The following TLE1 variants were observed in gnomAD, a reference collection of about 807,000 sequenced individuals.
TLE1 encodes the protein TLE family member 1, transcriptional corepressor, also known as transducin-like enhancer protein 1.
In TLE1, 21 loss-of-function variants were observed where a neutral mutation model predicts 89.8. The observed-to-expected ratio is 0.23, with a 90% CI of 0.17 to 0.34. The LOEUF (loss-of-function observed/expected upper bound fraction) is 0.34, where lower values mean the gene tolerates loss of function less well. Ranked by LOEUF, TLE1 falls within the 10% of genes least tolerant of loss-of-function variation. The pLI, the probability that TLE1 is intolerant of heterozygous loss-of-function variation, is 1.00. For synonymous variants in TLE1, 447 were observed against 407.6 expected (o/e 1.10, Z -1.16); for missense variants, 795 against 1,031.2 (o/e 0.77, Z 3.14).
intron 8 of TLE1, among the ~76,000 whole-genome samples, chr9:81,632,849 T>C (rs1052327740): frequency 1.2e-4 from 19 of 152,304 alleles, no homozygotes; most frequent in African/African-American, 4.6e-4. Context: ...AAACAAGATA[T>C]GGAAACCTAG....
At chr9:81,673,121 A>G (rs144653229) in intron 4 of TLE1, among the ~76,000 whole-genome samples, 4,217 of 152,108 alleles carry the variant, frequency 0.028, 216 homozygotes, top group African/African-American at 0.094. Flanking sequence ...AAAAATACAA[A>G]AATCAGCTGG....
At position 81,610,197 on chromosome 9, in the gene TLE1, A is replaced by G. The variant is rs568838764; in HGVS notation, c.1331+23T>C. Reference sequence around the variant, plus strand: ...ACTGAGTAACCACCTTTAAAACAAAACCAAGGTCTTTGAGGTACTTACGGT... The same window carrying G: ...ACTGAGTAACCACCTTTAAAACAAAGCCAAGGTCTTTGAGGTACTTACGGT... On this transcript the variant is annotated intron_variant, in intron 14 of 19. Transcript: ENST00000376499. 1.0e-5 allele frequency: 16 copies of G among 1,606,850 alleles called. No homozygotes were observed. In the South Asian group the frequency reaches 1.8e-4, roughly 18 times the overall value.
chr9:81,630,387 A>G (rs558691195), intron 8 of TLE1, among the ~76,000 whole-genome samples: 58 of 152,320 alleles, frequency 3.8e-4, no homozygotes, highest in African/African-American at 1.4e-3. Flanking sequence ...TCTTCCCACT[A>G]TAATTTTTTT....
intron 4 of TLE1, among the ~76,000 whole-genome samples, chr9:81,675,708 G>GTTTTTTTTTT (rs61458315): frequency 2.3e-5 from 3 of 132,440 alleles, no homozygotes; most frequent in Admixed American, 7.6e-5. Context: ...GTTTTTTTTT[G>GTTTTTTTTTT]TTTTTTTTTT....
At chr9:81,663,098 G>A (rs962189954) in intron 4 of TLE1, among the ~76,000 whole-genome samples, 13 of 152,046 alleles carry the variant, frequency 8.6e-5, no homozygotes, top group African/African-American at 3.1e-4. Context: ...CACACGCCTC[G>A]GCCCCCCAAA....
At chr9:81,648,142 C>T (rs1319354951) in intron 6 of TLE1, among the ~76,000 whole-genome samples, 1 of 151,584 alleles carries the variant, frequency 6.6e-6, no homozygotes, top group Non-Finnish European at 1.5e-5. Flanking sequence ...TATGGCGGTG[C>T]ATGCCTGTAA....
At chr9:81,611,390 T>C (rs1734507216) in intron 13 of TLE1, among the ~76,000 whole-genome samples, 3 of 152,014 alleles carry the variant, frequency 2.0e-5, no homozygotes. Flanking sequence ...AAAAAAAAGT[T>C]CAAGAAAATG....
At chr9:81,637,772 C>T (rs938829610) in intron 6 of TLE1, among the ~76,000 whole-genome samples, 4 of 151,226 alleles carry the variant, frequency 2.6e-5, no homozygotes, top group Non-Finnish European at 5.9e-5. Context: ...TCATATTCGA[C>T]TTCTTGTTTC....
intron 4 of TLE1, among the ~76,000 whole-genome samples, chr9:81,664,670 CTG>C (rs1200596042): frequency 6.6e-6 from 1 of 151,848 alleles, no homozygotes; most frequent in Non-Finnish European, 1.5e-5. Flanking sequence ...TGAAACCAGC[CTG>C]GGCAACATAG....
rs1447274061 is a variant in TLE1 at position 81,633,378 on chromosome 9, T to C, written c.578-14A>G. On this transcript the variant is annotated splice_polypyrimidine_tract_variant and intron_variant, in intron 7 of 19. Transcript: ENST00000376499. ...CCGGCTCTCTGTCTGCTCCCGAGGT[T>C]ACCAAGAAACGCACAGACATGCCCG... 6.2e-7 allele frequency: 1 copy of C among 1,613,136 alleles called. No homozygotes were observed. Among genetic ancestry groups the C allele is most frequent in the African/African-American group, 1.3e-5 (1 of 74,586 alleles).
chr9:81,674,050 G>A (rs1832586892), intron 4 of TLE1, among the ~76,000 whole-genome samples: 1 of 151,912 alleles, frequency 6.6e-6, no homozygotes, highest in Admixed American at 6.6e-5. Flanking sequence ...CTTTCAAATG[G>A]CACAAATAAC....
intron 4 of TLE1, among the ~76,000 whole-genome samples, chr9:81,675,698 G>GTTTTTTTGT (rs1832789323): frequency 7.7e-6 from 1 of 129,666 alleles, no homozygotes; most frequent in African/African-American, 3.3e-5. Flanking sequence ...ACTCACACTA[G>GTTTTTTTGT]TTTTTTTTTG....
intron 13 of TLE1, among the ~76,000 whole-genome samples, chr9:81,611,121 C>T (rs1008255171): frequency 5.3e-5 from 8 of 152,196 alleles, no homozygotes; most frequent in Non-Finnish European, 8.8e-5. Flanking sequence ...ATGCAATCAA[C>T]GATCACAGAG....
intron 8 of TLE1, among the ~76,000 whole-genome samples, chr9:81,622,346 CAA>C (rs1277987336): frequency 6.6e-6 from 1 of 152,200 alleles, no homozygotes; most frequent in Non-Finnish European, 1.5e-5. Flanking sequence ...GTTTTAAGTT[CAA>C]GTCTCTCTCC....
intron 6 of TLE1, among the ~76,000 whole-genome samples, chr9:81,646,978 C>A (rs1394553934): frequency 6.6e-6 from 1 of 152,058 alleles, no homozygotes; most frequent in African/African-American, 2.4e-5. Context: ...ATAAGTCAGA[C>A]TACATCCAAA....
intron 1 of TLE1, 132 bp downstream of exon 1, chr9:81,688,085 G>C: frequency 1.7e-6 from 2 of 1,188,286 alleles, no homozygotes; most frequent in South Asian, 2.6e-5. Context: ...GAGGGCCCCA[G>C]ACCTCCCCAG....
At position 81,590,918 on chromosome 9, in the gene TLE1, G is replaced by A; in HGVS notation, c.1716C>T (p.Ser572=). 1.2e-6 allele frequency: 2 copies of A among 1,614,296 alleles called. No individual in the cohort carries two copies. Among genetic ancestry groups the A allele is most frequent in the Non-Finnish European group, 1.7e-6 (2 of 1,180,054 alleles). ...CCAGGGCGTAGCAGGCGGGGGCCGAGGACGTCAGCTCCGCCTTGATGCGCG... is the reference window on the plus strand; with the variant it reads ...CCAGGGCGTAGCAGGCGGGGGCCGAAGACGTCAGCTCCGCCTTGATGCGCG... ...PTPRIKAELT[S]SAPACYALAI... Residue 572 remains serine (S), a synonymous_variant, in exon 16 of 20, where the codon TCC becomes TCT. Coordinates refer to ENST00000376499, the MANE Select transcript of TLE1 (RefSeq NM_005077.5).
At position 81,616,127 on chromosome 9, in the gene TLE1, G is replaced by A. The variant is rs151221865; in HGVS notation, c.773C>T (p.Ser258Phe). The change falls in exon 11 of 20, where the codon TCT becomes TTT. Residue 258 changes from serine (S) to phenylalanine (F), a missense_variant. Coordinates refer to ENST00000376499, the MANE Select transcript of TLE1 (RefSeq NM_005077.5). ...GTGGGCAGGGCTTGCTCGCGGAGAA[G>A]AAGGGTCCTCAACAAGCATAATCAA... is the stretch of plus-strand genomic sequence containing the variant. ...LVVDVSNEDP[S>F]SPRASPAHSP... 4.1e-4 allele frequency: 666 copies of A among 1,610,400 alleles called. No individual in the cohort carries two copies. The highest frequency in any genetic ancestry group is 4.8e-4 in the Non-Finnish European group (567 of 1,179,166).
At chr9:81,649,395 C>G (rs1205590929) in intron 6 of TLE1, among the ~76,000 whole-genome samples, 3 of 152,068 alleles carry the variant, frequency 2.0e-5, no homozygotes, top group Non-Finnish European at 4.4e-5. Context: ...AACCTAGAAG[C>G]TGGATGTCCT....
Sources: gnomAD v4.1 joint callset for allele counts (sites outside exome capture counted in the v4.1 genomes callset) on GRCh38, gnomAD v4.1.1 for gene constraint, MANE v1.5 for transcripts, NCBI Gene and HGNC (gene_info 2026-07-23, HGNC 2026-07-21) for gene names.